TP53BP1: variants seen among roughly 807,000 people sequenced by gnomAD.
TP53BP1 encodes the protein TP53-binding protein 1.
Under a neutral mutation model 200.8 loss-of-function variants are expected in TP53BP1, and 61 were observed. That is an observed-to-expected ratio of 0.30 (90% CI 0.25 to 0.38). The LOEUF is 0.38. Among genes scored for constraint, TP53BP1 ranks in the 10% least tolerant of loss-of-function variants. The pLI, the probability that TP53BP1 is intolerant of heterozygous loss-of-function variation, is 1.00. For missense variants in TP53BP1, 2,144 were observed against 2,371.9 expected, an observed-to-expected ratio of 0.90 and a Z score of 2.00; for synonymous variants, 822 against 844.3, an observed-to-expected ratio of 0.97 and a Z score of 0.46.
chr15:43,492,902 C>A, intron 1 of TP53BP1, 135 bp downstream of exon 1: 1 of 914,780 alleles, frequency 1.1e-6, no homozygotes, highest in Non-Finnish European at 1.7e-6. Context: ...CCCACCCCCT[C>A]CTTAGGGCCC....
chr15:43,474,241 G>A (rs1472827674), intron 10 of TP53BP1, among the ~76,000 whole-genome samples: 6 of 152,114 alleles, frequency 3.9e-5, no homozygotes, highest in Non-Finnish European at 7.4e-5. Context: ...GCACAGCCCC[G>A]GTTGCTGCTC....
chr15:43,415,864 A>C lies in TP53BP1; in HGVS notation c.4874-55T>G, dbSNP rs376828160. 16 of 1,429,716 alleles carry C rather than the reference A, an allele frequency of 1.1e-5. No individual in the cohort carries two copies. In the African/African-American group the frequency reaches 1.4e-4, roughly 13 times the overall value. 88.6% of individuals were successfully genotyped at this position (1,429,716 alleles called of 1,614,324 possible). On this transcript the variant is annotated intron_variant, in intron 22 of 27. Transcript: ENST00000382044. ...CAAACTCTATGGTATGAGGCCCTGAACTCCAAGAAACTGGGCAGACCCTGA... is the reference window on the plus strand; with the variant it reads ...CAAACTCTATGGTATGAGGCCCTGACCTCCAAGAAACTGGGCAGACCCTGA...
intron 1 of TP53BP1, among the ~76,000 whole-genome samples, chr15:43,498,676 T>G (rs2079193693): frequency 6.6e-6 from 1 of 152,210 alleles, no homozygotes; most frequent in Non-Finnish European, 1.5e-5. Flanking sequence ...GGACAAGAAC[T>G]TGGTTTCCCT....
At position 43,457,019 on chromosome 15, in the gene TP53BP1, G is replaced by T; in HGVS notation, c.1589C>A (p.Ser530Tyr). 1 of 1,614,150 alleles carries T rather than the reference G, an allele frequency of 6.2e-7. No individual in the cohort carries two copies. The highest frequency in any genetic ancestry group is 8.5e-7 in the Non-Finnish European group (1 of 1,180,034). ...AGAACTCAAGCTCTCCATCTTTGGGGACTGACTATATTCACTTGTAGAAAG... is the reference window on the plus strand; with the variant it reads ...AGAACTCAAGCTCTCCATCTTTGGGTACTGACTATATTCACTTGTAGAAAG... Reference protein sequence around the residue: ...LMLSTSEYSQSPKMESLSSHR... With the variant: ...LMLSTSEYSQYPKMESLSSHR... Residue 530 changes from serine to tyrosine, a missense_variant, in exon 12 of 28, where the codon TCC becomes TAC. Around this residue, in one of 4 missense-constraint regions of TP53BP1, gnomAD observed 1,700 missense variants for 1,710.3 expected, o/e 0.99. Transcript: ENST00000382044.
At chr15:43,443,206 A>C (rs983747416) in intron 14 of TP53BP1, among the ~76,000 whole-genome samples, 6 of 152,170 alleles carry the variant, frequency 3.9e-5, no homozygotes, top group African/African-American at 9.7e-5. Context: ...AAAAGTATGT[A>C]ATAATACAAA....
chr15:43,461,387 T>G (rs956120674), intron 11 of TP53BP1, among the ~76,000 whole-genome samples: 1 of 151,884 alleles, frequency 6.6e-6, no homozygotes, highest in Non-Finnish European at 1.5e-5. Flanking sequence ...ACCTAATTTT[T>G]TAGTATTTTT....
chr15:43,493,253 G>C, upstream of TP53BP1: 1 of 1,438,784 alleles, frequency 7.0e-7, no homozygotes, highest in Non-Finnish European at 9.1e-7. Context: ...CTGCGGCAGA[G>C]TGCCCTGCCC....
chr15:43,451,272 G>A (rs577471397), intron 12 of TP53BP1, among the ~76,000 whole-genome samples: 6 of 151,700 alleles, frequency 4.0e-5, no homozygotes, highest in African/African-American at 1.5e-4. Context: ...CCATGCTGGT[G>A]TGCTGCACCC....
In TP53BP1 at chr15:43,457,340, T is replaced by A. The variant is rs1202628900; in HGVS notation, c.1390-122A>T. ...TTTCTAAATCAAATTTTTAAATTCATATAAAATTTCTAAATCAAATTTAAG... is the reference window on the plus strand; with the variant it reads ...TTTCTAAATCAAATTTTTAAATTCAAATAAAATTTCTAAATCAAATTTAAG... On this transcript the variant is annotated intron_variant, in intron 11 of 27. Coordinates refer to ENST00000382044, the MANE Select transcript of TP53BP1 (RefSeq NM_001141980.3). 6 of 954,570 alleles carry A rather than the reference T, an allele frequency of 6.3e-6. No individual in the cohort carries two copies. The African/African-American group carries it at 1.0e-4, about 16-fold the overall frequency. The allele number at this position is 954,570 out of a possible 1,614,324, so 59.1% of individuals were successfully genotyped here.
At chr15:43,423,892 T>C (rs2045465223) in intron 18 of TP53BP1, among the ~76,000 whole-genome samples, 2 of 152,190 alleles carry the variant, frequency 1.3e-5, no homozygotes, top group Non-Finnish European at 2.9e-5. Context: ...TTAAAATCGG[T>C]ATTTCCCAGG....
At chr15:43,437,734 A>G (rs979329600) in intron 16 of TP53BP1, among the ~76,000 whole-genome samples, 12 of 152,250 alleles carry the variant, frequency 7.9e-5, no homozygotes, top group African/African-American at 2.7e-4. Context: ...CAGCTCATCA[A>G]TCTATCCAGA....
At chr15:43,481,281 G>A (rs1016256838) in intron 4 of TP53BP1, among the ~76,000 whole-genome samples, 1 of 152,016 alleles carries the variant, frequency 6.6e-6, no homozygotes, top group Non-Finnish European at 1.5e-5. Flanking sequence ...GAAAAATCTT[G>A]CATTCAGGAG....
intron 16 of TP53BP1, 80 bp downstream of exon 16, chr15:43,438,244 C>T (rs1350815043): frequency 8.0e-7 from 1 of 1,257,474 alleles, no homozygotes; most frequent in Non-Finnish European, 1.1e-6. Flanking sequence ...CAAACCACAG[C>T]ACAGTACATA....
intron 4 of TP53BP1, 87 bp downstream of exon 4, chr15:43,491,582 C>G: frequency 1.0e-6 from 1 of 989,338 alleles, no homozygotes; most frequent in South Asian, 1.3e-5. Flanking sequence ...GAGATTAATC[C>G]TTTTATCCTT....
chr15:43,431,596 C>A (rs2045672146), intron 17 of TP53BP1, among the ~76,000 whole-genome samples: 1 of 152,138 alleles, frequency 6.6e-6, no homozygotes, highest in Admixed American at 6.5e-5. Flanking sequence ...TTCCCTGGAA[C>A]CTGATACTCC....
chr15:43,451,509 C>G (rs571976535), intron 12 of TP53BP1, among the ~76,000 whole-genome samples: 10 of 152,108 alleles, frequency 6.6e-5, no homozygotes. Context: ...ACAAAGGACA[C>G]GAACTCATCA....
chr15:43,500,311 T>C (rs2079203003), intron 1 of TP53BP1, among the ~76,000 whole-genome samples: 1 of 152,204 alleles, frequency 6.6e-6, no homozygotes, highest in South Asian at 2.1e-4. Context: ...ACTGTCTTTT[T>C]ATTAACAGAA....
intron 13 of TP53BP1, chr15:43,447,037 C>A: frequency 2.1e-6 from 1 of 484,140 alleles, no homozygotes; most frequent in East Asian, 5.5e-5. Flanking sequence ...ATAAATAGTA[C>A]TTCTACCTTA....
intron 18 of TP53BP1, among the ~76,000 whole-genome samples, chr15:43,426,242 C>G (rs1256943657): frequency 6.6e-6 from 1 of 151,480 alleles, no homozygotes; most frequent in Non-Finnish European, 1.5e-5. Context: ...GAGTTTGAGA[C>G]CAGCCTGGCC....
Sources: allele counts gnomAD v4.1 joint callset (sites outside exome capture counted in the v4.1 genomes callset), GRCh38; gene constraint gnomAD v4.1.1; regional missense constraint gnomAD v4.1.1; transcripts MANE v1.5; gene names NCBI Gene and HGNC (gene_info 2026-07-23, HGNC 2026-07-21).